Variants in KIF4A observed in about 807,000 individuals in gnomAD.
KIF4A encodes the protein kinesin family member 4A.
In KIF4A, 7 loss-of-function variants were observed where a neutral mutation model predicts 105.9. The observed-to-expected ratio is 0.07, with a 90% CI of 0.04 to 0.12. The LOEUF is 0.12. KIF4A is among the 10% of genes least tolerant of loss of function. The pLI is 1.00. For synonymous variants in KIF4A, 281 were observed against 331.3 expected (o/e 0.85, Z 1.65); for missense variants, 558 against 929.2 (o/e 0.60, Z 5.19).
chrX:70,336,096 A>G (rs761799030), intron 10 of KIF4A, among the ~76,000 whole-genome samples: 25 of 111,858 alleles, frequency 2.2e-4, no homozygotes, highest in Non-Finnish European at 4.1e-4. Context: ...ATGGTTGGGT[A>G]CTGTATGTAA....
intron 22 of KIF4A, among the ~76,000 whole-genome samples, chrX:70,401,589 C>T (rs1307389011): frequency 1.3e-4 from 14 of 108,915 alleles, no homozygotes; most frequent in African/African-American, 4.0e-4. Context: ...TTAGTAGAGC[C>T]GGGGTTTCAC....
intron 18 of KIF4A, among the ~76,000 whole-genome samples, chrX:70,380,164 T>C (rs1299807398): frequency 3.6e-5 from 4 of 111,002 alleles, no homozygotes; most frequent in African/African-American, 1.3e-4. Flanking sequence ...AAAAATTAGC[T>C]GAGCATGGTG....
rs2086359895 is a variant in KIF4A, at chrX:70,419,917, A to G, written c.3495+134A>G. 2.1e-5 allele frequency: 21 copies of G among 1,017,268 alleles called. No homozygotes were observed. In the South Asian group the frequency reaches 4.6e-4, roughly 22 times the overall value. The allele number at this position is 1,017,268 out of a possible 1,213,427, so 83.8% of individuals were successfully genotyped here. On this transcript the variant is annotated intron_variant, in intron 30 of 30. Transcript: ENST00000374403. ...TTGCTGGGAACTAGGGATCGGGCATAGACTCTAGTCTGGTTTTTTCCATAG... is the reference window on the plus strand; with the variant it reads ...TTGCTGGGAACTAGGGATCGGGCATGGACTCTAGTCTGGTTTTTTCCATAG...
intron 22 of KIF4A, among the ~76,000 whole-genome samples, chrX:70,397,964 G>A (rs2086266578): frequency 8.9e-6 from 1 of 112,468 alleles, no homozygotes; most frequent in South Asian, 3.6e-4. Context: ...TGATTATGGT[G>A]AGAATTTTTA....
intron 10 of KIF4A, among the ~76,000 whole-genome samples, chrX:70,338,727 A>G (rs2085960421): frequency 8.9e-6 from 1 of 111,740 alleles, no homozygotes; most frequent in Non-Finnish European, 1.9e-5. Context: ...AAGTGGCTAT[A>G]TCATTTACAT....
chrX:70,361,699 G>T (rs1298151982), intron 15 of KIF4A: 2 of 135,886 alleles, frequency 1.5e-5, no homozygotes, highest in Admixed American at 7.1e-5. Context: ...TAAAGAACCT[G>T]CCAGCTGAGG....
At chrX:70,328,427 C>T (rs1042371175) in intron 7 of KIF4A, among the ~76,000 whole-genome samples, 8 of 111,769 alleles carry the variant, frequency 7.2e-5, no homozygotes, top group Non-Finnish European at 1.3e-4. Context: ...TGAAGGTAGA[C>T]ATTTCATGGC....
At chrX:70,398,020 G>A (rs1042021854) in intron 22 of KIF4A, among the ~76,000 whole-genome samples, 1 of 108,406 alleles carries the variant, frequency 9.2e-6, no homozygotes, top group African/African-American at 3.6e-5. Context: ...TGGGGTTTTT[G>A]TTTGTTTGTT....
At chrX:70,314,424 A>G (rs940023367) in intron 7 of KIF4A, among the ~76,000 whole-genome samples, 1 of 112,308 alleles carries the variant, frequency 8.9e-6, no homozygotes, top group African/African-American at 3.2e-5. Flanking sequence ...ACAGAATCAT[A>G]GTTGAGTCCT....
At chrX:70,366,113 G>A (rs1455771075) in intron 15 of KIF4A, among the ~76,000 whole-genome samples, 3 of 110,965 alleles carry the variant, frequency 2.7e-5, no homozygotes, top group Non-Finnish European at 5.7e-5. Context: ...TTTTTATTGC[G>A]TCCAGTCTAT....
intron 28 of KIF4A, among the ~76,000 whole-genome samples, chrX:70,409,544 C>G (rs946126014): frequency 9.0e-6 from 1 of 111,456 alleles, no homozygotes; most frequent in African/African-American, 3.3e-5. Flanking sequence ...TGCCTGTAAT[C>G]CCAGCACTTC....
chrX:70,333,799 C>A (rs1483859906), intron 10 of KIF4A, 110 bp downstream of exon 10: 2 of 526,935 alleles, frequency 3.8e-6, no homozygotes, highest in Non-Finnish European at 6.4e-6. Flanking sequence ...AAGGATCTTA[C>A]CAATTTTGCT....
intron 18 of KIF4A, among the ~76,000 whole-genome samples, chrX:70,377,345 T>C (rs1040410068): frequency 7.2e-5 from 8 of 111,739 alleles, no homozygotes; most frequent in Non-Finnish European, 1.5e-4. Flanking sequence ...GTGCTGGTAT[T>C]ACAGGCATGA....
chrX:70,397,569 A>C (rs990408242), intron 22 of KIF4A, among the ~76,000 whole-genome samples: 1 of 112,062 alleles, frequency 8.9e-6, no homozygotes, highest in Non-Finnish European at 1.9e-5. Context: ...TGGTCAATGA[A>C]TGTTCTTCTG....
At chrX:70,398,832 CA>C (rs915645182) in intron 22 of KIF4A, among the ~76,000 whole-genome samples, 2 of 111,492 alleles carry the variant, frequency 1.8e-5, no homozygotes, top group African/African-American at 3.3e-5. Flanking sequence ...AGCCAGTGAT[CA>C]AAACTATTTT....
intron 3 of KIF4A, among the ~76,000 whole-genome samples, chrX:70,294,300 A>G (rs776463638): frequency 8.9e-6 from 1 of 111,919 alleles, no homozygotes; most frequent in Non-Finnish European, 1.9e-5. Context: ...TGACAACAAT[A>G]CTTTCTTCTG....
In KIF4A at chrX:70,353,610, A is replaced by AT. The variant is rs1555949611; in HGVS notation, c.1489-5dup. The AT allele has an allele frequency of 8.3e-6, 10 of 1,197,951 alleles. No individual in the cohort carries two copies. The highest frequency in any genetic ancestry group is 1.1e-5 in the Non-Finnish European group (10 of 888,750). On this transcript the variant is annotated splice_polypyrimidine_tract_variant and intron_variant, in intron 14 of 30. Coordinates refer to ENST00000374403, the MANE Select transcript of KIF4A (RefSeq NM_012310.5). ...GTTTCTCTTATAAATCATTATCCTGATTTTTTTCCAGCAAGTAGAAACCAG... is the reference window on the plus strand; with the variant it reads ...GTTTCTCTTATAAATCATTATCCTGATTTTTTTTCCAGCAAGTAGAAACCAG...
At chrX:70,404,351 A>T (rs969707075) in intron 24 of KIF4A, among the ~76,000 whole-genome samples, 2 of 111,093 alleles carry the variant, frequency 1.8e-5, no homozygotes, top group African/African-American at 6.6e-5. Context: ...GCTTGAGTCC[A>T]GGAGAGTGAA....
chrX:70,382,771 A>AG, intron 18 of KIF4A, among the ~76,000 whole-genome samples: 1 of 107,181 alleles, frequency 9.3e-6, no homozygotes, highest in Non-Finnish European at 1.9e-5. Context: ...TGGGCAACAT[A>AG]GCAAGACCCC....
Sources: gnomAD v4.1 joint callset for allele counts (sites outside exome capture counted in the v4.1 genomes callset) on GRCh38, gnomAD v4.1.1 for gene constraint, MANE v1.5 for transcripts, NCBI Gene and HGNC (gene_info 2026-07-23, HGNC 2026-07-21) for gene names.